The following CPS1 variants were observed in gnomAD, a reference collection of about 807,000 sequenced individuals.
The protein encoded by CPS1 is carbamoyl-phosphate synthase [ammonia], mitochondrial.
A neutral mutation model predicts 174.6 loss-of-function variants in CPS1; 109 were observed. The observed-to-expected ratio is 0.62, with a 90% CI of 0.53 to 0.73. The LOEUF is 0.73. Among genes scored for constraint, CPS1 ranks in the 30% least tolerant of loss-of-function variants. The pLI is 0.00. For synonymous variants in CPS1, 637 were observed against 632.0 expected (o/e 1.01, Z -0.12); for missense variants, 1,689 against 1,821.9 (o/e 0.93, Z 1.33).
intron 11 of CPS1, 138 bp downstream of exon 11, chr2:210,593,094 T>A (rs372660055): frequency 6.1e-6 from 5 of 821,106 alleles, no homozygotes; most frequent in East Asian, 2.6e-5. Context: ...ACACACATTT[T>A]GTATTAAAAT....
Position 210,677,968 on chromosome 2 carries a change from G to C in CPS1, c.4486G>C (p.Ala1496Pro). 1.2e-6 allele frequency: 2 copies of C among 1,613,574 alleles called. No individual in the cohort carries two copies. Among genetic ancestry groups the C allele is most frequent in the South Asian group, 2.2e-5 (2 of 91,074 alleles). The change falls in exon 38 of 38, where the codon GCT becomes CCT. Residue 1496 changes from alanine (A) to proline (P), a missense_variant. Ala to Pro is a conservative substitution (Grantham distance 27, BLOSUM62 -1). Coordinates refer to ENST00000233072, the MANE Select transcript of CPS1 (RefSeq NM_001875.5). ...TCTTTTCCACTACAGGCAGTACAGT[G>C]CTGGAAAAGCAGCATAGAGATGCAG... is the stretch of plus-strand genomic sequence containing the variant. ...KSLFHYRQYS[A>P]GKAA
At position 210,593,529 on chromosome 2, in the gene CPS1, C is replaced by T. The variant is rs1698380986; in HGVS notation, c.1164+573C>T. The T allele has an allele frequency of 5.1e-6, 5 of 986,634 alleles. No individual in the cohort carries two copies. The South Asian group carries it at 1.4e-4, about 28-fold the overall frequency. The allele number at this position is 986,634 out of a possible 1,614,324, so 61.1% of individuals were successfully genotyped here. ...ATATTTTTACTTTTTTGTGTGTGAG[C>T]TCTTAGTTCATTGTTCAAACCCATC... On this transcript the variant is annotated intron_variant, in intron 11 of 37. Transcript: ENST00000233072.
At position 210,576,213 on chromosome 2, in the gene CPS1, C is replaced by T. The variant is rs994763344; in HGVS notation, c.237-133C>T. 8.0e-6 allele frequency: 8 copies of T among 1,005,626 alleles called. No homozygotes were observed. The African/African-American group carries it at 8.0e-5, about 10-fold the overall frequency. The allele number at this position is 1,005,626 out of a possible 1,614,324, so 62.3% of individuals were successfully genotyped here. A position where few individuals can be genotyped will look rare whatever the true frequency, so the allele number is the denominator to read the frequency against. On this transcript the variant is annotated intron_variant, in intron 2 of 37. Coordinates refer to ENST00000233072, the MANE Select transcript of CPS1 (RefSeq NM_001875.5). ...TTCTGTCATAACATTTCCCCAGGTA[C>T]GTTAAAATCTAGAGACATTCTTGTT...
intron 1 of CPS1, among the ~76,000 whole-genome samples, chr2:210,496,302 A>G (rs949023308): frequency 1.4e-4 from 22 of 152,158 alleles, no homozygotes; most frequent in African/African-American, 5.3e-4. Flanking sequence ...GGTGGAAACA[A>G]GTCCTTCTGC....
At chr2:210,508,082 TC>T in intron 1 of CPS1, among the ~76,000 whole-genome samples, 1 of 151,610 alleles carries the variant, frequency 6.6e-6, no homozygotes, top group South Asian at 2.1e-4. Flanking sequence ...GACATTCTTT[TC>T]AGCACCACAC....
Position 210,544,273 on chromosome 2 carries a change from A to T in CPS1, c.4-12446A>T, listed in dbSNP as rs148448399. On this transcript the variant is annotated intron_variant, in intron 1 of 38. Transcript: ENST00000430249. ...TCCTGGAAACTTCCTTCTGAAATGTATTACTATAAATATTCTTTCTCTGCA... is the reference window on the plus strand; with the variant it reads ...TCCTGGAAACTTCCTTCTGAAATGTTTTACTATAAATATTCTTTCTCTGCA... 5.3e-5 allele frequency among the ~76,000 whole-genome samples: 8 copies of T among 152,104 alleles called. No individual in the cohort carries two copies. The South Asian group carries it at 1.4e-3, about 28-fold the overall frequency.
At position 210,675,649 on chromosome 2, in the gene CPS1, T is replaced by C; in HGVS notation, c.4162-79T>C. On this transcript the variant is annotated intron_variant, in intron 35 of 37. Transcript: ENST00000233072. ...TCTCATGTTCAGCAATTTCTTCTTC[T>C]TTATGTTTTAAATTACATGTTCCAT... 5.1e-6 allele frequency: 4 copies of C among 783,656 alleles called. No individual in the cohort carries two copies. The South Asian group carries it at 5.7e-5, about 11-fold the overall frequency. The allele number at this position is 783,656 out of a possible 1,614,324, so 48.5% of individuals were successfully genotyped here.
chr2:210,594,700 G>A, intron 12 of CPS1, 94 bp downstream of exon 12: 1 of 845,208 alleles, frequency 1.2e-6, no homozygotes, highest in South Asian at 1.4e-5. Context: ...GCATACTAGT[G>A]TTTAATAAAA....
intron 33 of CPS1, among the ~76,000 whole-genome samples, chr2:210,666,296 AG>A (rs1418922166): frequency 5.4e-5 from 8 of 149,158 alleles, no homozygotes; most frequent in Non-Finnish European, 9.0e-5. Context: ...CTCTGATGGT[AG>A]TTTCTTTTGC....
chr2:210,613,882 T>C lies in CPS1; in HGVS notation c.2568+1589T>C, dbSNP rs190230794. Among the ~76,000 whole-genome samples, 246 of 152,020 alleles carry C rather than the reference T, an allele frequency of 1.6e-3. 1 individual carries two copies. The highest frequency in any genetic ancestry group is 2.8e-3 in the Non-Finnish European group (189 of 67,928). ...TGCTGGGAGAAGGAACTGATTTCTG[T>C]TTGTTAGAGGTCATCATTACTGTTC... On this transcript the variant is annotated intron_variant, in intron 20 of 37. Coordinates refer to ENST00000233072, the MANE Select transcript of CPS1 (RefSeq NM_001875.5).
At position 210,572,209 on chromosome 2, in the gene CPS1, A is replaced by G. The variant is rs536301145; in HGVS notation, c.127-1089A>G. 4.6e-5 allele frequency among the ~76,000 whole-genome samples: 7 copies of G among 152,122 alleles called. No individual in the cohort carries two copies. The East Asian group carries it at 9.6e-4, about 21-fold the overall frequency. ...TTGAATATTACAGTGTATATCTTTT[A>G]AAAGGCAACAACTTAAAAATGTAAC... On this transcript the variant is annotated intron_variant, in intron 1 of 37. Coordinates refer to ENST00000233072, the MANE Select transcript of CPS1 (RefSeq NM_001875.5).
intron 33 of CPS1, among the ~76,000 whole-genome samples, chr2:210,667,953 CAT>C (rs1237879810): frequency 1.3e-5 from 2 of 152,082 alleles, no homozygotes; most frequent in South Asian, 2.1e-4. Context: ...TAATTAAAAA[CAT>C]AAGATACATC....
intron 1 of CPS1, among the ~76,000 whole-genome samples, chr2:210,483,551 C>T (rs1423962057): frequency 6.6e-6 from 1 of 152,180 alleles, no homozygotes; most frequent in African/African-American, 2.4e-5. Context: ...GCCCAGGTAG[C>T]TCCAGCCACC....
rs1698471070 is a variant in CPS1 at position 210,596,052 on chromosome 2, T to C, written c.1359+470T>C. On this transcript the variant is annotated intron_variant, in intron 13 of 37. Coordinates refer to ENST00000233072, the MANE Select transcript of CPS1 (RefSeq NM_001875.5). ...AACAGTACATTTTGTTCAGGTGTTATAAATTATTATCTGTCACTGGGGGAC... is the reference window on the plus strand; with the variant it reads ...AACAGTACATTTTGTTCAGGTGTTACAAATTATTATCTGTCACTGGGGGAC... Among the ~76,000 whole-genome samples, 3 of 151,856 alleles carry C rather than the reference T, an allele frequency of 2.0e-5. No homozygotes were observed. In the South Asian group the frequency reaches 6.2e-4, roughly 31 times the overall value.
intron 1 of CPS1, among the ~76,000 whole-genome samples, chr2:210,548,543 C>G (rs1035639470): frequency 6.6e-6 from 1 of 152,018 alleles, no homozygotes; most frequent in African/African-American, 2.4e-5. Context: ...TTCTTCAACA[C>G]TCAAAGGCAT....
intron 17 of CPS1, among the ~76,000 whole-genome samples, chr2:210,606,420 A>G (rs1698912375): frequency 6.6e-6 from 1 of 151,870 alleles, no homozygotes; most frequent in African/African-American, 2.4e-5. Flanking sequence ...TATTCAATGA[A>G]AGGAAGAACT....
At chr2:210,567,335 AAAACAGTAAAAATAT>A (rs1697336339) in intron 1 of CPS1, among the ~76,000 whole-genome samples, 1 of 152,170 alleles carries the variant, frequency 6.6e-6, no homozygotes, top group African/African-American at 2.4e-5. Flanking sequence ...TCAACAACAA[AAAACAGTAAAAATAT>A]AATAGCCTCA....
chr2:210,675,600 C>T, intron 35 of CPS1, 128 bp from the exon 36 acceptor site: 1 of 711,020 alleles, frequency 1.4e-6, no homozygotes, highest in South Asian at 1.5e-5. Flanking sequence ...GAGTCCAAGT[C>T]TCTATCCATG....
At chr2:210,639,079 AC>A (rs990778523) in intron 22 of CPS1, 70 bp from the exon 23 acceptor site, 2 of 1,230,646 alleles carry the variant, frequency 1.6e-6, no homozygotes, top group Non-Finnish European at 2.3e-6. Flanking sequence ...TATATAAAGC[AC>A]AAAAAATTTA....
Sources: gnomAD v4.1 joint callset for allele counts (sites outside exome capture counted in the v4.1 genomes callset) on GRCh38, gnomAD v4.1.1 for gene constraint, MANE v1.5 for transcripts, NCBI Gene and HGNC (gene_info 2026-07-23, HGNC 2026-07-21) for gene names.